PAXBP1: variants seen among roughly 807,000 people sequenced by gnomAD.
PAXBP1 encodes PAX3 and PAX7 binding protein 1.
A neutral mutation model predicts 119.9 loss-of-function variants in PAXBP1; 44 were observed. The observed-to-expected ratio is 0.37, with a 90% CI of 0.29 to 0.47. The LOEUF (loss-of-function observed/expected upper bound fraction) is 0.47. Ranked by LOEUF, PAXBP1 falls within the 20% of genes least tolerant of loss-of-function variation. The probability of loss-of-function intolerance (pLI) is 0.99; values close to 1 mark genes in which losing one functional copy is unlikely to be tolerated. For missense variants in PAXBP1, 898 were observed against 1,134.1 expected (o/e 0.79, Z 2.99); for synonymous variants, 393 against 406.6 (o/e 0.97, Z 0.40).
intron 7 of PAXBP1, among the ~76,000 whole-genome samples, chr21:32,757,941 T>G (rs2044070401): frequency 6.6e-6 from 1 of 152,170 alleles, no homozygotes; most frequent in Non-Finnish European, 1.5e-5. Context: ...CCTAAGCAAC[T>G]GATACACCAC....
chr21:32,770,021 C>A, intron 1 of PAXBP1, 79 bp from the exon 2 acceptor site: 1 of 1,105,350 alleles, frequency 9.0e-7, no homozygotes, highest in Non-Finnish European at 1.3e-6. Flanking sequence ...ATCTTACGTG[C>A]TGTCCAAATT....
chr21:32,739,918 A>C (rs1205033930), intron 15 of PAXBP1, among the ~76,000 whole-genome samples: 2 of 144,202 alleles, frequency 1.4e-5, no homozygotes, highest in African/African-American at 2.6e-5. Context: ...CAGCCTAGGC[A>C]ACACAAGACC....
At chr21:32,742,641 T>G (rs1239890625) in intron 15 of PAXBP1, 1 of 170,426 alleles carries the variant, frequency 5.9e-6, no homozygotes, top group Non-Finnish European at 1.3e-5. Context: ...ATTCCACTTC[T>G]AGCTTACTCA....
intron 3 of PAXBP1, among the ~76,000 whole-genome samples, chr21:32,763,051 T>C (rs531904375): frequency 2.8e-4 from 43 of 152,294 alleles, no homozygotes; most frequent in African/African-American, 1.0e-3. Flanking sequence ...AGTTTACCTG[T>C]AATCATACTA....
chr21:32,751,363 G>A, intron 8 of PAXBP1, 145 bp from the exon 9 acceptor site: 1 of 614,884 alleles, frequency 1.6e-6, no homozygotes, highest in Non-Finnish European at 2.8e-6. Flanking sequence ...GTAGGTTTTT[G>A]GTTTAGAACA....
At chr21:32,736,473 C>T (rs1364163178) in intron 17 of PAXBP1, among the ~76,000 whole-genome samples, 3 of 152,150 alleles carry the variant, frequency 2.0e-5, no homozygotes, top group East Asian at 1.9e-4. Flanking sequence ...AGGCATGAGC[C>T]ACCATGCCTG....
At chr21:32,753,002 T>C (rs1377592749) in intron 8 of PAXBP1, among the ~76,000 whole-genome samples, 1 of 152,082 alleles carries the variant, frequency 6.6e-6, no homozygotes, top group African/African-American at 2.4e-5. Context: ...GAAGGAGGTA[T>C]GTTCCTGAGT....
chr21:32,746,231 CA>C (rs1316143410), intron 11 of PAXBP1, among the ~76,000 whole-genome samples: 1 of 151,996 alleles, frequency 6.6e-6, no homozygotes, highest in Non-Finnish European at 1.5e-5. Flanking sequence ...ACAAAAACAC[CA>C]AAAGCAACTG....
At chr21:32,743,560 C>T in intron 14 of PAXBP1, 118 bp downstream of exon 14, 1 of 802,826 alleles carries the variant, frequency 1.2e-6, no homozygotes, top group Non-Finnish European at 2.1e-6. Context: ...AATCTAGTCT[C>T]TCTGTAATAC....
At chr21:32,759,571 G>A (rs968419621) in intron 6 of PAXBP1, 8 of 612,934 alleles carry the variant, frequency 1.3e-5, no homozygotes, top group African/African-American at 1.3e-4. Flanking sequence ...ATCATGGAGT[G>A]GCATTTTTTA....
chr21:32,744,260 T>TAAAA (rs762993580), intron 13 of PAXBP1, among the ~76,000 whole-genome samples: 1 of 57,580 alleles, frequency 1.7e-5, no homozygotes, highest in Non-Finnish European at 3.5e-5. Context: ...GCTGATGAGC[T>TAAAA]AAAAAAAAAA....
intron 15 of PAXBP1, chr21:32,743,038 T>G (rs1415912306): frequency 3.0e-6 from 2 of 658,236 alleles, no homozygotes; most frequent in South Asian, 3.0e-5. Flanking sequence ...ACGATGGACC[T>G]TACTTTGGAA....
chr21:32,739,629 G>A (rs1164446356), intron 15 of PAXBP1, among the ~76,000 whole-genome samples: 2 of 152,034 alleles, frequency 1.3e-5, no homozygotes, highest in African/African-American at 2.4e-5. Flanking sequence ...GGTTACGGCC[G>A]GGCGCGGTGG....
intron 15 of PAXBP1, chr21:32,742,457 T>A (rs921356546): frequency 1.3e-5 from 2 of 152,370 alleles, no homozygotes; most frequent in African/African-American, 4.8e-5. Context: ...CCAGGTCGAA[T>A]GATCTAAATA....
intron 16 of PAXBP1, 82 bp from the exon 17 acceptor site, chr21:32,737,490 T>C: frequency 8.5e-7 from 1 of 1,174,582 alleles, no homozygotes; most frequent in Non-Finnish European, 1.2e-6. Flanking sequence ...TTAATGGGTA[T>C]AAATGTATTT....
chr21:32,771,536 CG>C lies in PAXBP1; in HGVS notation c.132del (p.Gly45ValfsTer23). On this transcript the variant is annotated frameshift_variant, in exon 1 of 18. Transcript: ENST00000331923. LOFTEE classifies it high-confidence loss of function. ...CCGCCAGGGGCCCTGTCGCCGCCAC[CG>C]GGGCCCGCCTCTTCGCCCGTGCCCG... ...PPPGTGEEAG[P>X]GGGDRAPGGE... 2.2e-6 allele frequency: 3 copies of C among 1,358,072 alleles called. No homozygotes were observed. The highest frequency in any genetic ancestry group is 3.5e-5 in the South Asian group (2 of 57,676). The allele number at this position is 1,358,072 out of a possible 1,614,324, so 84.1% of individuals were successfully genotyped here.
At chr21:32,762,911 CAA>C (rs763196446) in intron 3 of PAXBP1, among the ~76,000 whole-genome samples, 5 of 47,916 alleles carry the variant, frequency 1.0e-4, no homozygotes, top group Non-Finnish European at 1.8e-4. Flanking sequence ...AACTCCGTCT[CAA>C]AAAAAAAAAA....
chr21:32,745,040 T>G, intron 12 of PAXBP1, 127 bp from the exon 13 acceptor site: 1 of 1,024,444 alleles, frequency 9.8e-7, no homozygotes. Flanking sequence ...AGCTTTAGTC[T>G]TCTTTGTCCT....
intron 1 of PAXBP1, 86 bp from the exon 2 acceptor site, chr21:32,770,028 A>T (rs1194296216): frequency 3.1e-6 from 3 of 954,182 alleles, no homozygotes; most frequent in East Asian, 2.7e-5. Flanking sequence ...GTGCTGTCCA[A>T]ATTATCCCAA....
Sources: gnomAD v4.1 joint callset for allele counts (sites outside exome capture counted in the v4.1 genomes callset) on GRCh38, gnomAD v4.1.1 for gene constraint, MANE v1.5 for transcripts, NCBI Gene and HGNC (gene_info 2026-07-23, HGNC 2026-07-21) for gene names.